Variants in FLYWCH1 observed in about 807,000 individuals in gnomAD.
FLYWCH1 encodes the protein FLYWCH-type zinc finger 1, also known as FLYWCH-type zinc finger-containing protein 1.
FLYWCH1 carries 75 observed loss-of-function variants against 66.4 expected under a neutral mutation model. The ratio of observed to expected loss-of-function variants is 1.13; its 90% CI spans 0.94 to 1.37. The LOEUF (loss-of-function observed/expected upper bound fraction) is 1.37. Among genes scored for constraint, FLYWCH1 ranks in the 40% most tolerant of loss-of-function variants. The probability of loss-of-function intolerance (pLI) is 0.00; values close to 1 mark genes in which losing one functional copy is unlikely to be tolerated. For missense variants in FLYWCH1, 1,334 were observed against 1,001.8 expected, an observed-to-expected ratio of 1.33 and a Z score of -4.48; for synonymous variants, 595 against 429.9, an observed-to-expected ratio of 1.38 and a Z score of -4.75.
intron 2 of FLYWCH1, among the ~76,000 whole-genome samples, chr16:2,918,616 T>G (rs537280796): frequency 6.6e-6 from 1 of 151,792 alleles, no homozygotes; most frequent in Non-Finnish European, 1.5e-5. Flanking sequence ...AATTTTTGTA[T>G]TTTCAGTAGA....
In FLYWCH1 at chr16:2,933,893, G is replaced by A; in HGVS notation, c.1427G>A (p.Gly476Asp). 6.3e-7 allele frequency: 1 copy of A among 1,589,728 alleles called. No homozygotes were observed. Among genetic ancestry groups the A allele is most frequent in the Non-Finnish European group, 8.6e-7 (1 of 1,168,662 alleles). Residue 476 changes from glycine to aspartate, a missense_variant, in exon 6 of 10, where the codon GGT (glycine) becomes GAT (aspartate). Coordinates refer to ENST00000253928, the MANE Select transcript of FLYWCH1 (RefSeq NM_001308068.2). ...TQGRRVTVMR[G>D]HCHPPDLGGL... ...GGCCGACGGGTGACTGTCATGCGTG[G>A]TCACTGCCACCCGCCCGACCTGGGA...
intron 2 of FLYWCH1, chr16:2,923,132 T>G (rs1596360745): frequency 5.0e-6 from 2 of 398,844 alleles, no homozygotes; most frequent in Non-Finnish European, 4.8e-6. Flanking sequence ...TGTGTGGCTG[T>G]GGACGCCTTT....
intron 5 of FLYWCH1, 45 bp from the exon 6 acceptor site, chr16:2,933,671 C>T: frequency 6.3e-7 from 1 of 1,588,742 alleles, no homozygotes; most frequent in Non-Finnish European, 8.6e-7. Context: ...ATCAGGCCTA[C>T]CCAGCCCCTG....
chr16:2,929,815 C>T lies in FLYWCH1; in HGVS notation c.130C>T (p.Leu44=), dbSNP rs747452816. The part of the protein sequence containing the change: ...RKPREFSKLV[L]LTASDQDEDG... ...GCCCAGGGAGTTCTCCAAACTGGTG[C>T]TGCTCACAGCCTCCGACCAAGATGA... is the stretch of plus-strand genomic sequence containing the variant. Residue 44 remains leucine (L), a synonymous_variant, in exon 3 of 10, where the codon CTG becomes TTG. Transcript: ENST00000253928. 44 of 1,613,878 alleles carry T rather than the reference C, an allele frequency of 2.7e-5. 1 individual carries two copies. Among genetic ancestry groups the T allele is most frequent in the South Asian group, 1.6e-4 (15 of 91,094 alleles).
chr16:2,940,807 G>A (rs916710193), intron 9 of FLYWCH1, among the ~76,000 whole-genome samples: 1 of 151,738 alleles, frequency 6.6e-6, no homozygotes, highest in Non-Finnish European at 1.5e-5. Flanking sequence ...GTCCTTTCAC[G>A]GCTGGATACA....
In FLYWCH1 at chr16:2,948,801, C is replaced by G; in HGVS notation, c.*74C>G. The G allele has an allele frequency of 1.4e-6, 2 of 1,402,688 alleles. No individual in the cohort carries two copies. 86.9% of individuals were successfully genotyped at this position (1,402,688 alleles called of 1,614,324 possible). A position where few individuals can be genotyped will look rare whatever the true frequency, so the allele number is the denominator to read the frequency against. On this transcript the variant is annotated 3_prime_UTR_variant, in exon 10 of 10. Transcript: ENST00000253928. ...CATCCACACAGGCACTTCCCATCCA[C>G]CTAGGTTTGGCTTAGCAGAAACTTC...
At chr16:2,916,585 C>T (rs1323845905) in intron 2 of FLYWCH1, among the ~76,000 whole-genome samples, 1 of 149,298 alleles carries the variant, frequency 6.7e-6, no homozygotes, top group Admixed American at 6.7e-5. Flanking sequence ...TGCAGAGAGC[C>T]GAGATCGCAC....
intron 6 of FLYWCH1, among the ~76,000 whole-genome samples, chr16:2,934,212 A>C (rs1466330972): frequency 3.9e-5 from 6 of 152,082 alleles, no homozygotes. Context: ...CCTGCCCCAC[A>C]GTAGCAGCAG....
chr16:2,933,424 C>G lies in FLYWCH1; in HGVS notation c.1091C>G (p.Thr364Arg), dbSNP rs768508975. The G allele has an allele frequency of 1.2e-6, 2 of 1,600,964 alleles. No individual in the cohort carries two copies. Among genetic ancestry groups the G allele is most frequent in the African/African-American group, 2.7e-5 (2 of 74,632 alleles). ...GQDGPGSQVD[T>R]LLRGVDSLLY... ...GACGGCCCTGGGAGCCAAGTGGACA[C>G]GCTGCTCCGAGGCGTGGATAGTTTG... Residue 364 changes from threonine (T) to arginine (R), a missense_variant, in exon 5 of 10, where the codon ACG (threonine) becomes AGG (arginine). Coordinates refer to ENST00000253928, the MANE Select transcript of FLYWCH1 (RefSeq NM_001308068.2).
In FLYWCH1 at chr16:2,932,746, G is replaced by A. The variant is rs570510834; in HGVS notation, c.797-384G>A. 2.7e-3 allele frequency among the ~76,000 whole-genome samples: 407 copies of A among 152,302 alleles called. 1 individual carries two copies. The highest frequency in any genetic ancestry group is 4.0e-3 in the Non-Finnish European group (273 of 68,022). ...AAAAAAAATATGAGCAGGAGTGACA[G>A]AAAACAGAGACCACTGAGTCTGAGT... On this transcript the variant is annotated intron_variant, in intron 4 of 9. Transcript: ENST00000253928.
intron 9 of FLYWCH1, among the ~76,000 whole-genome samples, chr16:2,941,892 G>A (rs1305976819): frequency 1.3e-5 from 2 of 149,510 alleles, no homozygotes; most frequent in Non-Finnish European, 3.0e-5. Context: ...GTGGTGGTGG[G>A]AGCCTGTAGC....
chr16:2,933,811 TATTGG>T lies in FLYWCH1; in HGVS notation c.1347_1351del (p.Trp450LeufsTer210). On this transcript the variant is annotated frameshift_variant, in exon 6 of 10. Transcript: ENST00000253928. LOFTEE classifies it high-confidence loss of function. Reference sequence around the variant, plus strand: ...GGAGAAGGCGGCTGGGGAGAAGGTGTATTGGACCTGCCGGGACCAGGCCCGCATGG... The same window carrying T: ...GGAGAAGGCGGCTGGGGAGAAGGTGTACCTGCCGGGACCAGGCCCGCATGG... 1 of 1,607,590 alleles carries T rather than the reference TATTGG, an allele frequency of 6.2e-7. No homozygotes were observed. The highest frequency in any genetic ancestry group is 8.5e-7 in the Non-Finnish European group (1 of 1,177,666).
At position 2,933,935 on chromosome 16, in the gene FLYWCH1, GGCAGCGGGAGAAACGCCCCAACACGGC is replaced by G. The variant is rs2070886637; in HGVS notation, c.1478_1504del (p.Glu493_Arg501del). On this transcript the variant is annotated inframe_deletion, in exon 6 of 10. Transcript: ENST00000253928. ...GACCTGGGAGGCCTGGAGGCCCTGAGGCAGCGGGAGAAACGCCCCAACACGGCGCAGCGGGGGAGCCCAGGTACCTGG... is the reference window on the plus strand; with the variant it reads ...GACCTGGGAGGCCTGGAGGCCCTGAGGCAGCGGGGGAGCCCAGGTACCTGG... 6.4e-7 allele frequency: 1 copy of G among 1,565,906 alleles called. No homozygotes were observed. Among genetic ancestry groups the G allele is most frequent in the Non-Finnish European group, 8.7e-7 (1 of 1,155,430 alleles).
At chr16:2,937,406 C>A in intron 7 of FLYWCH1, 22 bp downstream of exon 7, 1 of 1,509,720 alleles carries the variant, frequency 6.6e-7, no homozygotes, top group Non-Finnish European at 8.8e-7. Flanking sequence ...GGGTGCTGGG[C>A]TGGGTCTGCC....
Position 2,922,950 on chromosome 16 carries a change from T to TCTCCTGGGGGCGCTCGTTTCTCCTGG in FLYWCH1, c.-73-6663_-73-6662insCTCCTGGGGGCGCTCGTTTCTCCTGG, listed in dbSNP as rs2070427265. 77 of 523,860 alleles carry TCTCCTGGGGGCGCTCGTTTCTCCTGG rather than the reference T, an allele frequency of 1.5e-4. 1 individual carries two copies. Among genetic ancestry groups the TCTCCTGGGGGCGCTCGTTTCTCCTGG allele is most frequent in the South Asian group, 1.1e-3 (76 of 72,234 alleles). The allele number at this position is 523,860 out of a possible 1,614,324, so 32.5% of individuals were successfully genotyped here. On this transcript the variant is annotated intron_variant, in intron 2 of 9. Transcript: ENST00000253928. ...CTGGGGGCGCTCTTCCGAGGATATT[T>TCTCCTGGGGGCGCTCGTTTCTCCTGG]GGGCTGCCTCCGGAGTCGCAGTGTC...
intron 4 of FLYWCH1, among the ~76,000 whole-genome samples, chr16:2,931,717 C>T (rs1003020791): frequency 2.0e-5 from 3 of 151,772 alleles, no homozygotes; most frequent in African/African-American, 7.3e-5. Flanking sequence ...TGCCTGTAAT[C>T]TCAGCACTTT....
rs1242263271 is a variant in FLYWCH1 at position 2,928,268 on chromosome 16, G to A, written c.-73-1345G>A. ...CTTCCTCTTACCTCAACAGCAAAGAGGTTTCCCTCTTTCACTCCTCCTCCT... is the reference window on the plus strand; with the variant it reads ...CTTCCTCTTACCTCAACAGCAAAGAAGTTTCCCTCTTTCACTCCTCCTCCT... On this transcript the variant is annotated intron_variant, in intron 2 of 9. Transcript: ENST00000253928. 5.9e-5 allele frequency among the ~76,000 whole-genome samples: 9 copies of A among 152,336 alleles called. No individual in the cohort carries two copies. The East Asian group carries it at 1.3e-3, about 23-fold the overall frequency.
chr16:2,928,059 G>C (rs983325010), intron 2 of FLYWCH1, among the ~76,000 whole-genome samples: 1 of 152,234 alleles, frequency 6.6e-6, no homozygotes, highest in African/African-American at 2.4e-5. Flanking sequence ...GGATGTGCAT[G>C]TAGGCCAGAT....
chr16:2,936,953 G>A (rs1054610549), intron 6 of FLYWCH1, 168 bp from the exon 7 acceptor site: 3 of 891,034 alleles, frequency 3.4e-6, no homozygotes, highest in African/African-American at 1.7e-5. Context: ...CCCAGCAGCT[G>A]GAGCCCCAGC....
Sources: gnomAD v4.1 joint callset for allele counts (sites outside exome capture counted in the v4.1 genomes callset) on GRCh38, gnomAD v4.1.1 for gene constraint, MANE v1.5 for transcripts, NCBI Gene and HGNC (gene_info 2026-07-23, HGNC 2026-07-21) for gene names.